Variants in DLGAP2 observed in about 807,000 individuals in gnomAD.
DLGAP2 encodes disks large-associated protein 2.
In DLGAP2, 26 loss-of-function variants were observed where a neutral mutation model predicts 100.3. The observed-to-expected ratio is 0.26, with a 90% CI of 0.19 to 0.36. The LOEUF (loss-of-function observed/expected upper bound fraction) is 0.36, where lower values mean the gene tolerates loss of function less well. Among genes scored for constraint, DLGAP2 ranks in the 10% least tolerant of loss-of-function variants. DLGAP2 has a pLI of 1.00. For missense variants in DLGAP2, 1,858 were observed against 1,453.2 expected (o/e 1.28, Z -4.53); for synonymous variants, 886 against 630.1 (o/e 1.41, Z -6.08).
chr8:1,155,164 C>G (rs1796758433), intron 2 of DLGAP2, among the ~76,000 whole-genome samples: 2 of 152,200 alleles, frequency 1.3e-5, no homozygotes, highest in African/African-American at 4.8e-5. Context: ...GGTCCCGTGT[C>G]CCCTGCGTCT....
intron 3 of DLGAP2, among the ~76,000 whole-genome samples, chr8:1,281,790 G>A (rs1799818575): frequency 6.6e-6 from 1 of 152,198 alleles, no homozygotes; most frequent in Non-Finnish European, 1.5e-5. Flanking sequence ...AGGCGTGGAG[G>A]GACGCGGTCC....
At chr8:1,433,813 C>G (rs1244505074) in intron 3 of DLGAP2, among the ~76,000 whole-genome samples, 1 of 142,144 alleles carries the variant, frequency 7.0e-6, no homozygotes, top group East Asian at 2.3e-4. Context: ...TGTAGGAATC[C>G]AAATTTTTAT....
intron 2 of DLGAP2, among the ~76,000 whole-genome samples, chr8:971,722 T>G (rs1455106877): frequency 6.6e-6 from 1 of 152,200 alleles, no homozygotes; most frequent in East Asian, 1.9e-4. Context: ...CTCAGAGGAT[T>G]GTATTCTGAG....
rs57688676 is a variant in DLGAP2, at chr8:1,306,275, C to G, written c.106+47392C>G. On this transcript the variant is annotated intron_variant, in intron 3 of 14. Transcript: ENST00000637795. ...ATACAAAATTAACACACAAAAATCA[C>G]TAGTGTTTCCAAATACTATCAGAAT... Among the ~76,000 whole-genome samples the G allele has an allele frequency of 1.3e-3, 195 of 152,116 alleles. 1 individual carries two copies. The highest frequency in any genetic ancestry group is 4.5e-3 in the African/African-American group (187 of 41,490).
chr8:961,400 G>C (rs1233615652), intron 2 of DLGAP2, among the ~76,000 whole-genome samples: 1 of 152,198 alleles, frequency 6.6e-6, no homozygotes, highest in Non-Finnish European at 1.5e-5. Context: ...GTAACAGAGG[G>C]TGTATGCTTC....
chr8:960,713 G>A (rs545403987), intron 2 of DLGAP2, among the ~76,000 whole-genome samples: 2 of 152,114 alleles, frequency 1.3e-5, no homozygotes, highest in East Asian at 1.9e-4. Flanking sequence ...GATGCTCCTC[G>A]ACTTATGATG....
intron 3 of DLGAP2, among the ~76,000 whole-genome samples, chr8:1,410,760 T>G (rs191101887): frequency 3.9e-5 from 6 of 152,208 alleles, no homozygotes; most frequent in South Asian, 2.1e-4. Flanking sequence ...GAACCTGGTT[T>G]TCTTGTTCAG....
In DLGAP2 at chr8:1,505,480, T is replaced by A. The variant is rs1477179221; in HGVS notation, c.172+4049T>A. Among the ~76,000 whole-genome samples, 8 of 152,210 alleles carry A rather than the reference T, an allele frequency of 5.3e-5. No individual in the cohort carries two copies. The East Asian group carries it at 1.5e-3, about 29-fold the overall frequency. On this transcript the variant is annotated intron_variant, in intron 4 of 14. Transcript: ENST00000637795. ...AAGATACCATTAGTGCCAGATGAAT[T>A]AATAAAACCGCCCACACTTGTGTTA...
At chr8:834,133 G>A (rs1161069804) in intron 1 of DLGAP2, among the ~76,000 whole-genome samples, 10 of 152,318 alleles carry the variant, frequency 6.6e-5, no homozygotes, top group East Asian at 3.9e-4. Flanking sequence ...CAGCAAGCTC[G>A]TCTCAGGATG....
chr8:1,362,429 C>T (rs1234215122), intron 3 of DLGAP2, among the ~76,000 whole-genome samples: 2 of 151,292 alleles, frequency 1.3e-5, no homozygotes, highest in South Asian at 2.1e-4. Flanking sequence ...ACAGCGCCCT[C>T]GGGAGGCTCG....
chr8:1,487,680 T>G (rs1487502184), intron 3 of DLGAP2, among the ~76,000 whole-genome samples: 1 of 152,242 alleles, frequency 6.6e-6, no homozygotes, highest in African/African-American at 2.4e-5. Context: ...TCTGTTCATA[T>G]GTGATTCTCC....
In DLGAP2 at chr8:1,706,576, T is replaced by C. The variant is rs1290238765; in HGVS notation, c.*5170T>C. The C allele has an allele frequency of 6.6e-6, 1 of 152,242 alleles. No homozygotes were observed. The highest frequency in any genetic ancestry group is 2.4e-5 in the African/African-American group (1 of 41,454). 9.4% of individuals were successfully genotyped at this position (152,242 alleles called of 1,614,324 possible). On this transcript the variant is annotated 3_prime_UTR_variant, in exon 15 of 15. Transcript: ENST00000637795. ...GCAGAAATAACTACAAGGGCCATTC[T>C]CCTTAGCTTCTGGCTTTCAACTGTT... is the stretch of plus-strand genomic sequence containing the variant.
chr8:930,639 G>T (rs913113250), intron 2 of DLGAP2, among the ~76,000 whole-genome samples: 2 of 152,222 alleles, frequency 1.3e-5, no homozygotes, highest in Admixed American at 1.3e-4. Context: ...GCCACGTTGG[G>T]TGTGGGACAC....
chr8:1,290,733 T>C (rs1322163519), intron 3 of DLGAP2, among the ~76,000 whole-genome samples: 1 of 152,196 alleles, frequency 6.6e-6, no homozygotes, highest in Non-Finnish European at 1.5e-5. Context: ...TTCCAGACAG[T>C]ATGTAGTTAA....
intron 2 of DLGAP2, among the ~76,000 whole-genome samples, chr8:1,113,011 T>C (rs1369165377): frequency 6.6e-6 from 1 of 152,198 alleles, no homozygotes; most frequent in Non-Finnish European, 1.5e-5. Flanking sequence ...ATCAGATGGT[T>C]GCAGGTGTGT....
chr8:1,368,918 G>C (rs1180743698), intron 3 of DLGAP2: 1 of 152,160 alleles, frequency 6.6e-6, no homozygotes, highest in Non-Finnish European at 1.5e-5. Flanking sequence ...CTGTAATACA[G>C]CATCCACAAC....
At chr8:1,484,246 C>T (rs948310282) in intron 3 of DLGAP2, among the ~76,000 whole-genome samples, 1 of 152,262 alleles carries the variant, frequency 6.6e-6, no homozygotes, top group Non-Finnish European at 1.5e-5. Flanking sequence ...CTCAGCTTTG[C>T]AGGGCTTCTT....
intron 3 of DLGAP2, among the ~76,000 whole-genome samples, chr8:1,371,043 C>T (rs1159638265): frequency 2.0e-5 from 3 of 152,236 alleles, no homozygotes; most frequent in Admixed American, 6.5e-5. Flanking sequence ...AATATGATTG[C>T]ATTAATTGTC....
At chr8:1,082,237 TTG>T (rs1344422293) in intron 2 of DLGAP2, among the ~76,000 whole-genome samples, 1 of 152,222 alleles carries the variant, frequency 6.6e-6, no homozygotes, top group Non-Finnish European at 1.5e-5. Context: ...CCCCAGTGTG[TTG>T]TGTTTGTAAT....
Sources: allele counts gnomAD v4.1 joint callset (sites outside exome capture counted in the v4.1 genomes callset), GRCh38; gene constraint gnomAD v4.1.1; transcripts MANE v1.5; gene names NCBI Gene and HGNC (gene_info 2026-07-23, HGNC 2026-07-21).